The following FIG4 variants were observed in gnomAD, a reference collection of about 807,000 sequenced individuals.
The protein encoded by FIG4 is polyphosphoinositide phosphatase.
Under a neutral mutation model 118.6 loss-of-function variants are expected in FIG4, and 112 were observed. That is an observed-to-expected ratio of 0.94 (90% CI 0.81 to 1.11). FIG4 has a LOEUF of 1.11. Ranked by LOEUF, FIG4 falls within the 50% of genes least tolerant of loss-of-function variation. The pLI is 0.00. For synonymous variants in FIG4, 369 were observed against 381.2 expected (o/e 0.97, Z 0.37); for missense variants, 969 against 1,111.7 (o/e 0.87, Z 1.83).
chr6:109,738,380 T>C lies in FIG4; in HGVS notation c.702T>C (p.Leu234=). The C allele has an allele frequency of 6.2e-7, 1 of 1,611,406 alleles. No individual in the cohort carries two copies. The highest frequency in any genetic ancestry group is 1.1e-5 in the South Asian group (1 of 91,018). ...PYMKYVWNGE[L]LDIIKSTVHR... is the part of the protein sequence containing the mutation. ...TGAAATATGTATGGAATGGTGAACTTCTGGATATAATTAAAAGTACTGTGC... is the reference window on the plus strand; with the variant it reads ...TGAAATATGTATGGAATGGTGAACTCCTGGATATAATTAAAAGTACTGTGC... Residue 234 remains leucine (L), a synonymous_variant, in exon 7 of 23, where the codon CTT becomes CTC. Transcript: ENST00000230124.
rs748687295 is a variant in FIG4, at chr6:109,789,709, G to A, written c.2180+32G>A. On this transcript the variant is annotated intron_variant, in intron 19 of 22. Coordinates refer to ENST00000230124, the MANE Select transcript of FIG4 (RefSeq NM_014845.6). ...TTTGTGTATAGAACGAAACTTTAAA[G>A]ATTTGTGTAAAAGAATAGTACTTGC... 4 of 1,456,342 alleles carry A rather than the reference G, an allele frequency of 2.7e-6. No homozygotes were observed. In the South Asian group the frequency reaches 3.4e-5, roughly 12 times the overall value. The allele number at this position is 1,456,342 out of a possible 1,614,324, so 90.2% of individuals were successfully genotyped here. A position where few individuals can be genotyped will look rare whatever the true frequency, so the allele number is the denominator to read the frequency against.
At chr6:109,767,355 T>C (rs771809283) in intron 15 of FIG4, among the ~76,000 whole-genome samples, 20 of 152,234 alleles carry the variant, frequency 1.3e-4, no homozygotes, top group Non-Finnish European at 2.2e-4. Flanking sequence ...GTTTTATGAC[T>C]TGTGAATACT....
intron 15 of FIG4, among the ~76,000 whole-genome samples, chr6:109,768,072 T>C (rs1005935717): frequency 6.6e-6 from 1 of 152,040 alleles, no homozygotes; most frequent in Non-Finnish European, 1.5e-5. Context: ...GTGTGCCACA[T>C]TGGGAATTGT....
At chr6:109,798,545 G>A (rs910064700) in intron 22 of FIG4, among the ~76,000 whole-genome samples, 2 of 152,166 alleles carry the variant, frequency 1.3e-5, no homozygotes, top group African/African-American at 2.4e-5. Flanking sequence ...CTGGGCTGGG[G>A]ATGTAAATGC....
At chr6:109,694,747 C>T (rs570793974) in intron 1 of FIG4, among the ~76,000 whole-genome samples, 1 of 152,142 alleles carries the variant, frequency 6.6e-6, no homozygotes, top group African/African-American at 2.4e-5. Flanking sequence ...AGCAAATACC[C>T]CCAGATAATC....
intron 1 of FIG4, among the ~76,000 whole-genome samples, chr6:109,713,945 G>A (rs60633557): frequency 3.4e-3 from 519 of 152,232 alleles, no homozygotes; most frequent in African/African-American, 0.012. Context: ...GGGCAAGAGC[G>A]CCCTGCAGAG....
intron 15 of FIG4, among the ~76,000 whole-genome samples, chr6:109,776,553 A>T (rs2128394509): frequency 6.6e-6 from 1 of 152,290 alleles, no homozygotes; most frequent in South Asian, 2.1e-4. Flanking sequence ...GTGAAGATAC[A>T]TTTACTTCAG....
intron 1 of FIG4, among the ~76,000 whole-genome samples, chr6:109,708,320 A>G (rs1384164626): frequency 2.0e-5 from 3 of 152,216 alleles, no homozygotes; most frequent in Non-Finnish European, 4.4e-5. Flanking sequence ...ATGGCTGCAT[A>G]GTATTCCATG....
intron 3 of FIG4, among the ~76,000 whole-genome samples, chr6:109,717,554 A>C (rs1775472860): frequency 6.6e-6 from 1 of 152,240 alleles, no homozygotes; most frequent in African/African-American, 2.4e-5. Context: ...CAAGCTGTGT[A>C]GTATGAATTA....
At chr6:109,717,912 C>T (rs1775483269) in intron 3 of FIG4, among the ~76,000 whole-genome samples, 1 of 152,172 alleles carries the variant, frequency 6.6e-6, no homozygotes, top group South Asian at 2.1e-4. Context: ...TTTCTTAAAC[C>T]TACTGGACTG....
chr6:109,750,537 G>T (rs1216965287), intron 10 of FIG4, among the ~76,000 whole-genome samples: 1 of 152,132 alleles, frequency 6.6e-6, no homozygotes, highest in Admixed American at 6.6e-5. Flanking sequence ...GGAGGCTGAA[G>T]TTGGAGGATC....
intron 22 of FIG4, among the ~76,000 whole-genome samples, chr6:109,809,303 G>A (rs1399462273): frequency 2.0e-5 from 3 of 152,108 alleles, no homozygotes; most frequent in Non-Finnish European, 4.4e-5. Context: ...GAAAAGATTC[G>A]CAAGCTGTGA....
intron 1 of FIG4, among the ~76,000 whole-genome samples, chr6:109,700,391 G>A (rs1362303585): frequency 6.6e-6 from 1 of 152,000 alleles, no homozygotes; most frequent in Non-Finnish European, 1.5e-5. Flanking sequence ...AAAAGGACAA[G>A]GATATCAACA....
chr6:109,715,022 A>C, intron 1 of FIG4, 56 bp from the exon 2 acceptor site: 1 of 970,272 alleles, frequency 1.0e-6, no homozygotes, highest in Non-Finnish European at 1.7e-6. Context: ...AGTGGTATAA[A>C]ATGTGTATAG....
intron 16 of FIG4, among the ~76,000 whole-genome samples, chr6:109,780,494 G>T (rs1004963115): frequency 2.0e-5 from 3 of 152,156 alleles, no homozygotes; most frequent in African/African-American, 4.8e-5. Context: ...TTACAGGTGT[G>T]AGCCACTGCA....
chr6:109,781,269 T>C (rs760855950), intron 16 of FIG4, among the ~76,000 whole-genome samples: 3 of 152,184 alleles, frequency 2.0e-5, no homozygotes, highest in Admixed American at 6.5e-5. Flanking sequence ...TGATAATCTT[T>C]TAAATATTTG....
intron 15 of FIG4, among the ~76,000 whole-genome samples, chr6:109,774,587 T>C (rs572161641): frequency 1.3e-5 from 2 of 152,270 alleles, no homozygotes; most frequent in African/African-American, 4.8e-5. Flanking sequence ...ACAGTTAATG[T>C]TCCCCTTGGC....
At chr6:109,717,349 C>T (rs562395385) in intron 3 of FIG4, among the ~76,000 whole-genome samples, 1 of 152,276 alleles carries the variant, frequency 6.6e-6, no homozygotes, top group African/African-American at 2.4e-5. Context: ...TACCTGAGCT[C>T]CACCTTTCCC....
At chr6:109,795,095 GTTTTTTTTTTTTTTTTTTTTTTTTTTT>G (rs571649446) in intron 21 of FIG4, among the ~76,000 whole-genome samples, 1 of 57,194 alleles carries the variant, frequency 1.7e-5, no homozygotes, top group Non-Finnish European at 3.5e-5. Flanking sequence ...ACACTTGCCA[GTTTTTTTTTTTTTTTTTTTTTTTTTTT>G]TTTTTTTTTT....
Sources: allele counts gnomAD v4.1 joint callset (sites outside exome capture counted in the v4.1 genomes callset), GRCh38; gene constraint gnomAD v4.1.1; transcripts MANE v1.5; gene names NCBI Gene and HGNC (gene_info 2026-07-23, HGNC 2026-07-21).